DSCAM: variants seen among roughly 807,000 people sequenced by gnomAD.
DSCAM encodes cell adhesion molecule DSCAM.
A neutral mutation model predicts 217.7 loss-of-function variants in DSCAM; 47 were observed. The observed-to-expected ratio is 0.22, with a 90% CI of 0.17 to 0.28. The LOEUF is 0.28. Ranked by LOEUF, DSCAM falls within the 10% of genes least tolerant of loss-of-function variation. The pLI, the probability that DSCAM is intolerant of heterozygous loss-of-function variation, is 1.00. For missense variants in DSCAM, 2,080 were observed against 2,618.3 expected, an observed-to-expected ratio of 0.79 and a Z score of 4.49; for synonymous variants, 1,056 against 1,015.3, an observed-to-expected ratio of 1.04 and a Z score of -0.76.
chr21:40,044,617 G>C (rs951269974), intron 30 of DSCAM, among the ~76,000 whole-genome samples: 22 of 152,044 alleles, frequency 1.4e-4, no homozygotes, highest in African/African-American at 5.3e-4. Flanking sequence ...AACAATTACA[G>C]GACAAAACAA....
chr21:40,136,495 A>T (rs2090210523), intron 18 of DSCAM, among the ~76,000 whole-genome samples: 1 of 152,194 alleles, frequency 6.6e-6, no homozygotes, highest in Admixed American at 6.5e-5. Context: ...CAAACTAATT[A>T]AAAACTCATA....
intron 10 of DSCAM, among the ~76,000 whole-genome samples, chr21:40,282,777 G>A (rs988258007): frequency 6.6e-6 from 1 of 151,928 alleles, no homozygotes; most frequent in African/African-American, 2.4e-5. Flanking sequence ...AAAAATGCTT[G>A]TAATTGTTGA....
At chr21:40,461,641 T>G (rs1342333071) in intron 3 of DSCAM, among the ~76,000 whole-genome samples, 1 of 152,206 alleles carries the variant, frequency 6.6e-6, no homozygotes, top group Non-Finnish European at 1.5e-5. Flanking sequence ...GTGTAAGGTT[T>G]CATGGCAAAG....
At chr21:40,645,809 A>C (rs2089939216) in intron 3 of DSCAM, among the ~76,000 whole-genome samples, 1 of 152,216 alleles carries the variant, frequency 6.6e-6, no homozygotes, top group Non-Finnish European at 1.5e-5. Flanking sequence ...ATTTAGAAAA[A>C]TGGAAAAATT....
chr21:40,450,836 T>C (rs1197292932), intron 3 of DSCAM, among the ~76,000 whole-genome samples: 8 of 152,232 alleles, frequency 5.3e-5, no homozygotes, highest in Admixed American at 5.2e-4. Context: ...AACGCATATG[T>C]AAAATTTCCA....
intron 1 of DSCAM, among the ~76,000 whole-genome samples, chr21:40,756,094 G>A (rs1486544990): frequency 1.3e-5 from 2 of 152,214 alleles, no homozygotes; most frequent in South Asian, 4.1e-4. Context: ...GGGGTCTGGT[G>A]GGAGGTGACT....
chr21:40,390,075 G>T (rs188064750), intron 3 of DSCAM, among the ~76,000 whole-genome samples: 1 of 152,164 alleles, frequency 6.6e-6, no homozygotes, highest in Non-Finnish European at 1.5e-5. Context: ...GGAGCTGCAC[G>T]CATGGACAGG....
chr21:40,331,426 C>T (rs1291481329), intron 8 of DSCAM, among the ~76,000 whole-genome samples: 2 of 152,202 alleles, frequency 1.3e-5, no homozygotes, highest in African/African-American at 4.8e-5. Flanking sequence ...CGAGCAGACA[C>T]ACTCACAGCA....
At chr21:40,720,865 G>C (rs2090893775) in intron 1 of DSCAM, among the ~76,000 whole-genome samples, 1 of 152,166 alleles carries the variant, frequency 6.6e-6, no homozygotes, top group Admixed American at 6.5e-5. Context: ...TGGAAAGAAG[G>C]AAGTTATATA....
At chr21:40,627,553 C>A (rs2089618488) in intron 3 of DSCAM, among the ~76,000 whole-genome samples, 1 of 152,146 alleles carries the variant, frequency 6.6e-6, no homozygotes. Context: ...TTTCTATATG[C>A]AGTCAACCAT....
intron 11 of DSCAM, among the ~76,000 whole-genome samples, chr21:40,209,002 G>A (rs894134206): frequency 1.3e-5 from 2 of 152,230 alleles, no homozygotes; most frequent in African/African-American, 4.8e-5. Context: ...GAGCAAGACA[G>A]CTGACAGCTA....
At chr21:40,722,836 A>G (rs1355794230) in intron 1 of DSCAM, among the ~76,000 whole-genome samples, 1 of 152,154 alleles carries the variant, frequency 6.6e-6, no homozygotes, top group Non-Finnish European at 1.5e-5. Flanking sequence ...TAGAAAAAAT[A>G]TAAGCTAACA....
At chr21:40,176,563 C>A (rs2090734486) in intron 15 of DSCAM, among the ~76,000 whole-genome samples, 1 of 152,332 alleles carries the variant, frequency 6.6e-6, no homozygotes, top group South Asian at 2.1e-4. Flanking sequence ...GCACCCCATT[C>A]TAGGTAAGTC....
chr21:40,803,287 T>C (rs2091758309), intron 1 of DSCAM, among the ~76,000 whole-genome samples: 1 of 152,240 alleles, frequency 6.6e-6, no homozygotes, highest in Admixed American at 6.5e-5. Flanking sequence ...TTTGACGTTC[T>C]CATTGCCTCT....
intron 3 of DSCAM, among the ~76,000 whole-genome samples, chr21:40,577,612 C>A (rs868770425): frequency 6.6e-6 from 1 of 152,174 alleles, no homozygotes; most frequent in Non-Finnish European, 1.5e-5. Flanking sequence ...CCTTTATTAG[C>A]CGGCGACGAG....
At chr21:40,613,039 A>G (rs2089337138) in intron 3 of DSCAM, among the ~76,000 whole-genome samples, 2 of 152,350 alleles carry the variant, frequency 1.3e-5, no homozygotes, top group South Asian at 4.1e-4. Context: ...AGTAACAGAT[A>G]GATGGCTGTG....
At chr21:40,781,044 T>C (rs900770369) in intron 1 of DSCAM, among the ~76,000 whole-genome samples, 1 of 152,080 alleles carries the variant, frequency 6.6e-6, no homozygotes, top group Non-Finnish European at 1.5e-5. Context: ...AGTCCCACCC[T>C]GTCACCCAGG....
At chr21:40,240,569 AC>A (rs1320692346) in intron 11 of DSCAM, among the ~76,000 whole-genome samples, 3 of 151,724 alleles carry the variant, frequency 2.0e-5, no homozygotes, top group Non-Finnish European at 4.4e-5. Flanking sequence ...TCCAGCCTTC[AC>A]GTTTTTGTTC....
At chr21:40,231,379 C>T (rs1235808476) in intron 11 of DSCAM, among the ~76,000 whole-genome samples, 1 of 152,082 alleles carries the variant, frequency 6.6e-6, no homozygotes, top group Non-Finnish European at 1.5e-5. Context: ...TCCAGGTAAG[C>T]CAATCTCTGT....
Sources: gnomAD v4.1 joint callset for allele counts (sites outside exome capture counted in the v4.1 genomes callset) on GRCh38, gnomAD v4.1.1 for gene constraint, MANE v1.5 for transcripts, NCBI Gene and HGNC (gene_info 2026-07-23, HGNC 2026-07-21) for gene names.